The following TENM3 variants were observed in gnomAD, a reference collection of about 807,000 sequenced individuals.
TENM3 encodes teneurin-3.
In TENM3, 63 loss-of-function variants were observed where a neutral mutation model predicts 255.1. The ratio of observed to expected loss-of-function variants is 0.25; its 90% CI spans 0.20 to 0.30. The LOEUF (loss-of-function observed/expected upper bound fraction) is 0.30. TENM3 is among the 10% of genes least tolerant of loss of function. The probability of loss-of-function intolerance (pLI) is 1.00; values close to 1 mark genes in which losing one functional copy is unlikely to be tolerated. For synonymous variants in TENM3, 1,306 were observed against 1,322.3 expected, an observed-to-expected ratio of 0.99 and a Z score of 0.27; for missense variants, 2,929 against 3,461.1, an observed-to-expected ratio of 0.85 and a Z score of 3.86.
chr4:182,599,966 T>G (rs929258972), intron 3 of TENM3, among the ~76,000 whole-genome samples: 5 of 152,188 alleles, frequency 3.3e-5, no homozygotes, highest in African/African-American at 1.2e-4. Flanking sequence ...GGTAATGAGA[T>G]GGAAAGTAGG....
chr4:181,947,105 A>G, the TENM3 span, among the ~76,000 whole-genome samples: 413 of 152,308 alleles, frequency 2.7e-3, 3 homozygotes, highest in Middle Eastern at 0.014. Flanking sequence ...ATTTCTTTTT[A>G]CCAGAGTTGT....
the TENM3 span, among the ~76,000 whole-genome samples, chr4:181,694,535 T>C: frequency 7.9e-5 from 12 of 152,252 alleles, no homozygotes; most frequent in African/African-American, 2.7e-4. Context: ...GCTATTTAGC[T>C]AGTTCTCTCT....
the TENM3 span, among the ~76,000 whole-genome samples, chr4:181,502,233 C>G: frequency 1.3e-5 from 2 of 152,182 alleles, no homozygotes; most frequent in African/African-American, 4.8e-5. Flanking sequence ...ATGTACAACA[C>G]CAAGAGTGAA....
chr4:182,328,552 T>A (rs1318481370), intron 2 of TENM3, among the ~76,000 whole-genome samples: 1 of 107,668 alleles, frequency 9.3e-6, no homozygotes, highest in Non-Finnish European at 1.8e-5. Flanking sequence ...CACCGTGATA[T>A]CTATGTTTGT....
chr4:181,509,265 G>T, the TENM3 span, among the ~76,000 whole-genome samples: 178 of 152,114 alleles, frequency 1.2e-3, no homozygotes, highest in Non-Finnish European at 2.1e-3. Context: ...GGGAATGTGG[G>T]TGAATTATCA....
chr4:181,616,314 TACACACACACAC>T, the TENM3 span, among the ~76,000 whole-genome samples: 27 of 103,676 alleles, frequency 2.6e-4, no homozygotes, highest in African/African-American at 6.6e-4. Context: ...ACCCATAGAA[TACACACACACAC>T]ACACACACAC....
At chr4:182,720,028 C>T (rs1335475355) in intron 13 of TENM3, among the ~76,000 whole-genome samples, 1 of 152,076 alleles carries the variant, frequency 6.6e-6, no homozygotes, top group Non-Finnish European at 1.5e-5. Context: ...CGCCACTGCA[C>T]TCCAGGCTGG....
At chr4:181,839,284 T>C in the TENM3 span, among the ~76,000 whole-genome samples, 5 of 146,584 alleles carry the variant, frequency 3.4e-5, no homozygotes, top group Admixed American at 6.9e-5. Context: ...GACTTATAGT[T>C]GTTAGCTTTT....
intron 3 of TENM3, among the ~76,000 whole-genome samples, chr4:182,583,971 A>C (rs1745760419): frequency 6.6e-6 from 1 of 152,218 alleles, no homozygotes; most frequent in African/African-American, 2.4e-5. Flanking sequence ...CAGTGTGCAA[A>C]TGTGAATGCA....
At chr4:181,826,062 T>C in the TENM3 span, among the ~76,000 whole-genome samples, 1 of 152,204 alleles carries the variant, frequency 6.6e-6, no homozygotes, top group Non-Finnish European at 1.5e-5. Flanking sequence ...TGAATCTTTT[T>C]TTTATGTAAA....
intron 1 of TENM3, among the ~76,000 whole-genome samples, chr4:182,252,634 C>T (rs1463519074): frequency 6.6e-6 from 1 of 152,070 alleles, no homozygotes; most frequent in East Asian, 1.9e-4. Context: ...TTATCCTACT[C>T]ACAGAATTTA....
the TENM3 span, among the ~76,000 whole-genome samples, chr4:181,903,040 A>T: frequency 1.3e-5 from 2 of 152,176 alleles, no homozygotes; most frequent in Admixed American, 1.3e-4. Flanking sequence ...CTATTCTTTC[A>T]CAGTTTGATT....
chr4:181,461,489 A>G, the TENM3 span, among the ~76,000 whole-genome samples: 2 of 152,114 alleles, frequency 1.3e-5, no homozygotes, highest in Admixed American at 1.3e-4. Flanking sequence ...TACTTACTGG[A>G]ACTCTATTCC....
chr4:181,732,595 A>G, the TENM3 span, among the ~76,000 whole-genome samples: 1 of 152,194 alleles, frequency 6.6e-6, no homozygotes, highest in African/African-American at 2.4e-5. Flanking sequence ...GTTTCCGGTA[A>G]AAAGAACTTT....
At chr4:181,799,920 C>T in the TENM3 span, among the ~76,000 whole-genome samples, 1 of 152,154 alleles carries the variant, frequency 6.6e-6, no homozygotes, top group Non-Finnish European at 1.5e-5. Context: ...GGGAGCTAGG[C>T]AGATAATGCG....
chr4:182,494,889 A>G (rs909728456), intron 3 of TENM3, among the ~76,000 whole-genome samples: 3 of 152,254 alleles, frequency 2.0e-5, no homozygotes, highest in Admixed American at 6.5e-5. Context: ...CAATAGTGAG[A>G]TGACGTTTAT....
intron 5 of TENM3, among the ~76,000 whole-genome samples, chr4:182,632,966 G>C (rs1235643349): frequency 6.6e-6 from 1 of 151,940 alleles, no homozygotes; most frequent in Non-Finnish European, 1.5e-5. Context: ...ATCTCACTCT[G>C]TCTCACAGGC....
intron 1 of TENM3, among the ~76,000 whole-genome samples, chr4:182,279,909 G>C (rs1760261642): frequency 1.3e-5 from 2 of 152,106 alleles, no homozygotes; most frequent in Non-Finnish European, 2.9e-5. Context: ...GAGTTCACAA[G>C]CATTGTAAAA....
chr4:182,724,342 A>C (rs1290743530), intron 13 of TENM3, among the ~76,000 whole-genome samples: 1 of 152,256 alleles, frequency 6.6e-6, no homozygotes, highest in Non-Finnish European at 1.5e-5. Context: ...AGTTAATACT[A>C]CATAACCTTA....
Sources: gnomAD v4.1 joint callset for allele counts (sites outside exome capture counted in the v4.1 genomes callset) on GRCh38, gnomAD v4.1.1 for gene constraint, MANE v1.5 for transcripts, NCBI Gene and HGNC (gene_info 2026-07-23, HGNC 2026-07-21) for gene names.